CTBP2: variants seen among roughly 807,000 people sequenced by gnomAD.
The protein encoded by CTBP2 is C-terminal-binding protein 2.
CTBP2 carries 30 observed loss-of-function variants against 80.3 expected under a neutral mutation model. The ratio of observed to expected loss-of-function variants is 0.37; its 90% confidence interval spans 0.28 to 0.51. The LOEUF is 0.51. CTBP2 is among the 20% of genes least tolerant of loss of function. The pLI is 0.93. For synonymous variants in CTBP2, 594 were observed against 587.4 expected, an observed-to-expected ratio of 1.01 and a Z score of -0.16; for missense variants, 1,212 against 1,375.3, an observed-to-expected ratio of 0.88 and a Z score of 1.88.
intron 2 of CTBP2, among the ~76,000 whole-genome samples, chr10:125,049,964 T>A (rs2919290): frequency 0.56 from 85,498 of 152,030 alleles, 25,686 homozygotes; most frequent in African/African-American, 0.77. Flanking sequence ...CCCACGTCTG[T>A]GGGGCCAACT....
At chr10:125,011,772 T>A (rs1026900018) in intron 1 of CTBP2, among the ~76,000 whole-genome samples, 1 of 152,226 alleles carries the variant, frequency 6.6e-6, no homozygotes, top group Non-Finnish European at 1.5e-5. Flanking sequence ...AAGTGACAGC[T>A]ATTTCCCGGT....
intron 2 of CTBP2, among the ~76,000 whole-genome samples, chr10:125,073,453 A>G (rs747573812): frequency 6.6e-6 from 1 of 152,224 alleles, no homozygotes; most frequent in Non-Finnish European, 1.5e-5. Context: ...CATGTTGGCC[A>G]GGCTGGTCAA....
At chr10:125,155,034 C>T (rs1389503414) in intron 1 of CTBP2, among the ~76,000 whole-genome samples, 2 of 152,186 alleles carry the variant, frequency 1.3e-5, no homozygotes, top group Non-Finnish European at 2.9e-5. Flanking sequence ...CCTAAAATCA[C>T]ATTTCGAGGG....
chr10:125,098,750 C>CAGAGAGAGAGAGACAG (rs1850105838), intron 2 of CTBP2, among the ~76,000 whole-genome samples: 2 of 75,504 alleles, frequency 2.6e-5, no homozygotes, highest in East Asian at 8.0e-4. Context: ...GAGAGAGAGA[C>CAGAGAGAGAGAGACAG]AGAGAGAGAG....
rs376149084 is a variant in CTBP2, at chr10:125,040,859, G to A, written c.-101-1704C>T. On this transcript the variant is annotated intron_variant, in intron 2 of 10. Transcript: ENST00000337195. Reference sequence around the variant, plus strand: ...CCGAAAGATTTATGGCGATAATTACGTGATTCTCCATAAAAGAGCTACGAA... The same window carrying A: ...CCGAAAGATTTATGGCGATAATTACATGATTCTCCATAAAAGAGCTACGAA... Among the ~76,000 whole-genome samples the A allele has an allele frequency of 1.5e-4, 23 of 152,290 alleles. No homozygotes were observed. The South Asian group carries it at 4.1e-3, about 27-fold the overall frequency.
chr10:125,057,712 G>A (rs527424354), intron 2 of CTBP2, among the ~76,000 whole-genome samples: 7 of 152,224 alleles, frequency 4.6e-5, no homozygotes, highest in Non-Finnish European at 8.8e-5. Context: ...GGTACACAGC[G>A]TGGCTTAAAA....
chr10:125,139,748 G>A (rs1857499477), intron 1 of CTBP2, among the ~76,000 whole-genome samples: 1 of 152,166 alleles, frequency 6.6e-6, no homozygotes, highest in Admixed American at 6.5e-5. Context: ...TAGATGTGGA[G>A]CCCCAGAAGG....
chr10:124,987,705 G>A lies in CTBP2; in HGVS notation c.*1813C>T, dbSNP rs934931735. ...TGGGATGGGGCCACCACCTTAAAAT[G>A]AGTGAGCAGACAAGGCCAGGCAAGC... On this transcript the variant is annotated 3_prime_UTR_variant, in exon 9 of 9. Coordinates refer to ENST00000309035, the MANE Select transcript of CTBP2 (RefSeq NM_022802.3). The A allele has an allele frequency of 6.6e-6, 1 of 152,158 alleles. No individual in the cohort carries two copies. Among genetic ancestry groups the A allele is most frequent in the Non-Finnish European group, 1.5e-5 (1 of 68,038 alleles). The allele number at this position is 152,158 out of a possible 1,614,324, so 9.4% of individuals were successfully genotyped here.
intron 1 of CTBP2, among the ~76,000 whole-genome samples, chr10:125,117,919 TGAGAA>T (rs1398754651): frequency 6.6e-6 from 1 of 152,214 alleles, no homozygotes; most frequent in Non-Finnish European, 1.5e-5. Context: ...GTCTCAACTC[TGAGAA>T]GAAAAATGCC....
intron 4 of CTBP2, chr10:124,996,121 G>C (rs1036895995): frequency 1.4e-5 from 2 of 143,504 alleles, no homozygotes; most frequent in African/African-American, 5.4e-5. Flanking sequence ...ATGACCCAAT[G>C]ACTTAATCCT....
upstream of CTBP2, among the ~76,000 whole-genome samples, chr10:125,031,252 A>G (rs1229131370): frequency 6.6e-6 from 1 of 151,944 alleles, no homozygotes; most frequent in Non-Finnish European, 1.5e-5. Context: ...ACTTTGGGAG[A>G]CTGAGTGGGG....
intron 2 of CTBP2, among the ~76,000 whole-genome samples, chr10:125,056,476 T>A (rs1001706420): frequency 5.9e-5 from 9 of 152,154 alleles, no homozygotes; most frequent in Admixed American, 3.9e-4. Context: ...CCACCCCAGA[T>A]GCCTTCAGAA....
chr10:124,991,790 C>T (rs1393981059), intron 8 of CTBP2, among the ~76,000 whole-genome samples: 1 of 149,722 alleles, frequency 6.7e-6, no homozygotes, highest in Non-Finnish European at 1.5e-5. Flanking sequence ...GAGCTAGAAA[C>T]CCTGGTTTAG....
At chr10:125,061,615 G>A (rs560090410) in intron 2 of CTBP2, among the ~76,000 whole-genome samples, 6 of 152,172 alleles carry the variant, frequency 3.9e-5, no homozygotes, top group African/African-American at 1.2e-4. Context: ...ATATAACAGC[G>A]TCTACGGCAG....
chr10:125,063,745 C>T (rs1035225514), intron 2 of CTBP2, among the ~76,000 whole-genome samples: 7 of 152,158 alleles, frequency 4.6e-5, no homozygotes, highest in African/African-American at 9.7e-5. Flanking sequence ...GTAAGTTTTG[C>T]GAATTCATTC....
At chr10:125,135,925 G>A (rs1856904238) in intron 1 of CTBP2, among the ~76,000 whole-genome samples, 1 of 152,206 alleles carries the variant, frequency 6.6e-6, no homozygotes. Context: ...AGCGAAGTTA[G>A]GACTTACCTG....
intron 7 of CTBP2, 34 bp from the exon 10 acceptor site, chr10:124,992,846 T>C: frequency 6.6e-7 from 1 of 1,510,372 alleles, no homozygotes. Context: ...ATCATATTAT[T>C]TTTACAAATC....
intron 2 of CTBP2, among the ~76,000 whole-genome samples, chr10:125,054,752 G>A (rs1304432989): frequency 1.3e-5 from 2 of 152,128 alleles, no homozygotes; most frequent in Non-Finnish European, 2.9e-5. Context: ...AATGCATGGC[G>A]TCTAGTTTAT....
intron 1 of CTBP2, among the ~76,000 whole-genome samples, chr10:125,159,154 GC>G (rs1332243406): frequency 6.6e-6 from 1 of 150,722 alleles, no homozygotes; most frequent in East Asian, 2.0e-4. Flanking sequence ...GGGCCGTCCG[GC>G]GCCGCGGAGG....
Sources: allele counts gnomAD v4.1 joint callset (sites outside exome capture counted in the v4.1 genomes callset), GRCh38; gene constraint gnomAD v4.1.1; transcripts MANE v1.5; gene names NCBI Gene and HGNC (gene_info 2026-07-23, HGNC 2026-07-21).